ATXN2: variants seen among roughly 807,000 people sequenced by gnomAD.
The protein encoded by ATXN2 is ataxin 2.
Under a neutral mutation model 138.6 loss-of-function variants are expected in ATXN2, and 37 were observed. That is an observed-to-expected ratio of 0.27 (90% CI 0.21 to 0.35). The LOEUF is 0.35. Among genes scored for constraint, ATXN2 ranks in the 10% least tolerant of loss-of-function variants. The pLI is 1.00. For synonymous variants in ATXN2, 549 were observed against 543.7 expected, an observed-to-expected ratio of 1.01 and a Z score of -0.13; for missense variants, 1,216 against 1,480.3, an observed-to-expected ratio of 0.82 and a Z score of 2.93.
rs933449376 is a variant in ATXN2, at chr12:111,480,658, T to A, written c.2524+4607A>T. On this transcript the variant is annotated intron_variant, in intron 18 of 24. Coordinates refer to ENST00000673436, the MANE Select transcript of ATXN2 (RefSeq NM_001372574.1). Reference sequence around the variant, plus strand: ...GCCACTCCATCAGAGCGACACTCCATCTCAAAAATAAATAAACAAACAAAC... The same window carrying A: ...GCCACTCCATCAGAGCGACACTCCAACTCAAAAATAAATAAACAAACAAAC... Among the ~76,000 whole-genome samples, 4 of 152,210 alleles carry A rather than the reference T, an allele frequency of 2.6e-5. No individual in the cohort carries two copies. The East Asian group carries it at 7.7e-4, about 29-fold the overall frequency.
chr12:111,502,586 C>T (rs1026441918), intron 14 of ATXN2, among the ~76,000 whole-genome samples: 1 of 152,030 alleles, frequency 6.6e-6, no homozygotes, highest in Non-Finnish European at 1.5e-5. Flanking sequence ...CCTGCCACCA[C>T]GCCTGGCTAA....
At chr12:111,523,006 T>C (rs1206153058) in intron 6 of ATXN2, among the ~76,000 whole-genome samples, 1 of 150,618 alleles carries the variant, frequency 6.6e-6, no homozygotes, top group Non-Finnish European at 1.5e-5. Context: ...CATGGCCAGG[T>C]GCGGTGGCTC....
chr12:111,483,572 G>C (rs1239756971), intron 18 of ATXN2, among the ~76,000 whole-genome samples: 1 of 150,950 alleles, frequency 6.6e-6, no homozygotes, highest in Non-Finnish European at 1.5e-5. Context: ...GGCCAGGATG[G>C]TTTTGTACTC....
chr12:111,539,512 C>T (rs1881374337), intron 5 of ATXN2, among the ~76,000 whole-genome samples: 1 of 150,198 alleles, frequency 6.7e-6, no homozygotes, highest in African/African-American at 2.4e-5. Context: ...CTTTGGGAGG[C>T]CGAGGCGGAT....
chr12:111,574,573 A>C (rs1278219592), intron 1 of ATXN2, among the ~76,000 whole-genome samples: 1 of 151,842 alleles, frequency 6.6e-6, no homozygotes, highest in Admixed American at 6.6e-5. Flanking sequence ...GACTATACGC[A>C]TGCACCACCA....
chr12:111,511,453 G>C (rs993055563), intron 11 of ATXN2: 1 of 149,834 alleles, frequency 6.7e-6, no homozygotes, highest in Non-Finnish European at 1.5e-5. Context: ...CAGAATAGCT[G>C]AAGCAGATTT....
chr12:111,576,715 T>C (rs1186711335), intron 1 of ATXN2, among the ~76,000 whole-genome samples: 2 of 151,454 alleles, frequency 1.3e-5, no homozygotes, highest in Non-Finnish European at 2.9e-5. Flanking sequence ...ATCCCAGAAC[T>C]TTGGGAGGCC....
At position 111,455,937 on chromosome 12, in the gene ATXN2, G is replaced by A; in HGVS notation, c.3270+92C>T. ...AGACAGGCAAATGGCATGACACACA[G>A]GGTTTCCTAGCTGGGAGAGCCTCTA... On this transcript the variant is annotated intron_variant, in intron 23 of 24. Transcript: ENST00000673436. 2.5e-6 allele frequency: 3 copies of A among 1,220,150 alleles called. No homozygotes were observed. The South Asian group carries it at 3.6e-5, about 15-fold the overall frequency. 75.6% of individuals were successfully genotyped at this position (1,220,150 alleles called of 1,614,324 possible). A position where few individuals can be genotyped will look rare whatever the true frequency, so the allele number is the denominator to read the frequency against.
chr12:111,570,561 C>A (rs932742903), intron 1 of ATXN2, among the ~76,000 whole-genome samples: 7 of 152,158 alleles, frequency 4.6e-5, no homozygotes, highest in Non-Finnish European at 1.0e-4. Context: ...TTTCTACATA[C>A]ACCATGTGTA....
chr12:111,489,611 CAA>C (rs35926625), intron 14 of ATXN2, among the ~76,000 whole-genome samples: 12 of 112,844 alleles, frequency 1.1e-4, no homozygotes, highest in East Asian at 5.2e-4. Context: ...GACTCCGTCT[CAA>C]AAAAAAAAAA....
intron 18 of ATXN2, among the ~76,000 whole-genome samples, chr12:111,483,969 C>G (rs911958692): frequency 2.0e-5 from 3 of 150,668 alleles, no homozygotes; most frequent in African/African-American, 7.3e-5. Flanking sequence ...TTTTTTTTTG[C>G]AGAGATAGGT....
At chr12:111,492,553 G>A (rs938270642) in intron 14 of ATXN2, among the ~76,000 whole-genome samples, 3 of 152,042 alleles carry the variant, frequency 2.0e-5, no homozygotes, top group South Asian at 2.1e-4. Flanking sequence ...GTGGTGGCAC[G>A]CACCTGTAAT....
intron 5 of ATXN2, among the ~76,000 whole-genome samples, chr12:111,542,021 G>C (rs1881549473): frequency 6.7e-6 from 1 of 149,392 alleles, no homozygotes; most frequent in Non-Finnish European, 1.5e-5. Flanking sequence ...GCCCACCTCA[G>C]CCTTCCAAAG....
intron 1 of ATXN2, among the ~76,000 whole-genome samples, chr12:111,559,632 C>T (rs1446148913): frequency 1.3e-5 from 2 of 151,128 alleles, no homozygotes; most frequent in African/African-American, 4.9e-5. Flanking sequence ...ATTAGCCAGG[C>T]GTGGTGGTGC....
intron 1 of ATXN2, among the ~76,000 whole-genome samples, chr12:111,567,583 G>A (rs1162848904): frequency 6.6e-6 from 1 of 151,794 alleles, no homozygotes; most frequent in Non-Finnish European, 1.5e-5. Flanking sequence ...GGAGACCAAG[G>A]CGGGCAGATC....
In ATXN2 at chr12:111,518,287, T is replaced by C; in HGVS notation, c.1127A>G (p.Asn376Ser). The C allele has an allele frequency of 6.2e-7, 1 of 1,610,564 alleles. No homozygotes were observed. The highest frequency in any genetic ancestry group is 1.3e-5 in the African/African-American group (1 of 75,020). The change falls in exon 9 of 25, where the codon AAC (asparagine) becomes AGC (serine). Residue 376 changes from asparagine (N) to serine (S), a missense_variant. By Grantham distance (46) the Asn-to-Ser change is conservative. Coordinates refer to ENST00000673436, the MANE Select transcript of ATXN2 (RefSeq NM_001372574.1). ...SRSTSHTSDF[N>S]PNSGSDQRVV... ...TCTTTGGTCTGAACCAGAATTCGGG[T>C]TGAAATCTGAAGTGTGAGAAGTGGA...
intron 5 of ATXN2, among the ~76,000 whole-genome samples, chr12:111,539,965 G>A (rs919463341): frequency 6.7e-6 from 1 of 150,218 alleles, no homozygotes; most frequent in African/African-American, 2.4e-5. Flanking sequence ...GGAAAAGTCA[G>A]TAAAATGAAA....
At chr12:111,462,897 A>G (rs1421456597) in intron 21 of ATXN2, among the ~76,000 whole-genome samples, 1 of 152,144 alleles carries the variant, frequency 6.6e-6, no homozygotes, top group Non-Finnish European at 1.5e-5. Context: ...TCCTTTTTAA[A>G]GAGCATCTAT....
At position 111,552,871 on chromosome 12, in the gene ATXN2, T is replaced by C. The variant is rs914699583; in HGVS notation, c.420+35A>G. 5 of 1,403,656 alleles carry C rather than the reference T, an allele frequency of 3.6e-6. No homozygotes were observed. The highest frequency in any genetic ancestry group is 4.9e-6 in the Non-Finnish European group (5 of 1,028,418). The allele number at this position is 1,403,656 out of a possible 1,614,324, so 87.0% of individuals were successfully genotyped here. A position where few individuals can be genotyped will look rare whatever the true frequency, so the allele number is the denominator to read the frequency against. Reference sequence around the variant, plus strand: ...AACACTGACTATGAAAATGTTCTTTTACTTTGTAAGAAAAAGAAAAAAAGT... The same window carrying C: ...AACACTGACTATGAAAATGTTCTTTCACTTTGTAAGAAAAAGAAAAAAAGT... On this transcript the variant is annotated intron_variant, in intron 4 of 24. Coordinates refer to ENST00000673436, the MANE Select transcript of ATXN2 (RefSeq NM_001372574.1). This position sits in a 1 kb window ranked among gnomAD's most constrained non-coding sequence, Gnocchi z 4.1.
Sources: gnomAD v4.1 joint callset for allele counts (sites outside exome capture counted in the v4.1 genomes callset) on GRCh38, gnomAD v4.1.1 for gene constraint, Gnocchi (gnomAD v3.1) non-coding constraint, MANE v1.5 for transcripts, NCBI Gene and HGNC (gene_info 2026-07-23, HGNC 2026-07-21) for gene names.